The following CCDC190 variants were observed in gnomAD, a reference collection of about 807,000 sequenced individuals.
CCDC190 encodes coiled-coil domain-containing protein 190.
Under a neutral mutation model 13.1 loss-of-function variants are expected in CCDC190, and 10 were observed. The ratio of observed to expected loss-of-function variants is 0.77; its 90% CI spans 0.47 to 1.30. The LOEUF is 1.30. CCDC190 is among the 50% of genes most tolerant of loss of function. The pLI, the probability that CCDC190 is intolerant of heterozygous loss-of-function variation, is 0.00. For missense variants in CCDC190, 375 were observed against 354.3 expected, an observed-to-expected ratio of 1.06 and a Z score of -0.47; for synonymous variants, 136 against 127.2, an observed-to-expected ratio of 1.07 and a Z score of -0.47.
rs147029098 is a variant in CCDC190, at chr1:162,852,687, G to A, written c.*2078C>T. 5.2e-3 allele frequency: 835 copies of A among 161,382 alleles called. 38 individuals are homozygous for A. The highest frequency in any genetic ancestry group is 0.045 in the Admixed American group (728 of 16,096). The allele number at this position is 161,382 out of a possible 1,614,324, so 10.0% of individuals were successfully genotyped here. On this transcript the variant is annotated 3_prime_UTR_variant, in exon 4 of 4. Transcript: ENST00000367912. ...TATGAAGACACAAGCAAGATAGCAA[G>A]GAGGAACATGCAGAATGTTCACTTC...
Position 162,859,466 on chromosome 1 carries a change from G to T in CCDC190, c.181C>A (p.Gln61Lys). ...CCAGTCCTGAAAGTCTTACCTTGCT[G>T]CAACCTCTGCAGTTCTTTTTGGAGC... ...RQLQKELQRL[Q>K]QETMKKKFSS... Residue 61 changes from glutamine (Q) to lysine (K), a missense_variant, in exon 2 of 4, where the codon CAG becomes AAG. Physicochemically the swap from Gln to Lys is moderately conservative, Grantham distance 53. Coordinates refer to ENST00000367912, the MANE Select transcript of CCDC190 (RefSeq NM_001394065.1). 6.2e-7 allele frequency: 1 copy of T among 1,612,912 alleles called. No individual in the cohort carries two copies. Among genetic ancestry groups the T allele is most frequent in the Non-Finnish European group, 8.5e-7 (1 of 1,179,438 alleles).
At chr1:162,868,254 CAT>C (rs952262381) in intron 1 of CCDC190, among the ~76,000 whole-genome samples, 2 of 152,102 alleles carry the variant, frequency 1.3e-5, no homozygotes, top group African/African-American at 2.4e-5. Flanking sequence ...AAGTGGTAAA[CAT>C]GTGGGTACAT....
upstream of CCDC190, among the ~76,000 whole-genome samples, chr1:162,863,310 G>T (rs1650584719): frequency 6.6e-6 from 1 of 152,030 alleles, no homozygotes; most frequent in Non-Finnish European, 1.5e-5. Context: ...TTCCTTATTT[G>T]TAAAATAGGT....
intron 1 of CCDC190, among the ~76,000 whole-genome samples, chr1:162,867,897 A>T (rs75555910): frequency 0.04 from 6,158 of 152,262 alleles, 200 homozygotes; most frequent in Non-Finnish European, 0.062. Flanking sequence ...GATGACAGAG[A>T]TCAGATCAGT....
chr1:162,856,909 T>C (rs1481017887), intron 2 of CCDC190, among the ~76,000 whole-genome samples: 1 of 152,150 alleles, frequency 6.6e-6, no homozygotes, highest in East Asian at 1.9e-4. Flanking sequence ...TTGAGGGATT[T>C]TGAGCTACTT....
intron 2 of CCDC190, among the ~76,000 whole-genome samples, chr1:162,856,532 G>A (rs544174961): frequency 6.6e-6 from 1 of 152,236 alleles, no homozygotes; most frequent in South Asian, 2.1e-4. Context: ...GTGACTAAGT[G>A]GACTTTTCAC....
Position 162,855,093 on chromosome 1 carries a change from C to A in CCDC190, c.578G>T (p.Ser193Ile). 2 of 1,614,032 alleles carry A rather than the reference C, an allele frequency of 1.2e-6. No individual in the cohort carries two copies. The highest frequency in any genetic ancestry group is 1.7e-6 in the Non-Finnish European group (2 of 1,179,898). Residue 193 changes from serine to isoleucine, a missense_variant, in exon 4 of 4, where the codon AGT (serine) becomes ATT (isoleucine). Transcript: ENST00000367912. ...TCCACTATCACTAGCTGGGCTGGAA[C>A]TAGGACCTTGTTCTATGGTGTTGGT... The part of the protein sequence containing the change: ...VSTNTIEQGP[S>I]SSPASDSGMA...
At position 162,858,870 on chromosome 1, in the gene CCDC190, CACTT is replaced by C. The variant is rs542464625; in HGVS notation, c.187+586_187+589del. 1.6e-3 allele frequency among the ~76,000 whole-genome samples: 242 copies of C among 152,340 alleles called. 2 individuals carry two copies. The highest frequency in any genetic ancestry group is 3.1e-3 in the Admixed American group (47 of 15,302). On this transcript the variant is annotated intron_variant, in intron 2 of 3. Coordinates refer to ENST00000367912, the MANE Select transcript of CCDC190 (RefSeq NM_001394065.1). ...TTGATAAGAGTGGGCACTTATATAG[CACTT>C]ACTTTATGTTTTGGTACTATTCCAA...
rs1310686533 is a variant in CCDC190 at position 162,852,893 on chromosome 1, G to A, written c.*1872C>T. The A allele has an allele frequency of 5.4e-6, 3 of 550,546 alleles. No individual in the cohort carries two copies. Among genetic ancestry groups the A allele is most frequent in the Admixed American group, 3.2e-5 (1 of 30,878 alleles). The allele number at this position is 550,546 out of a possible 1,614,324, so 34.1% of individuals were successfully genotyped here. A position where few individuals can be genotyped will look rare whatever the true frequency, so the allele number is the denominator to read the frequency against. ...GGAGAATTGTGATGACGATAGGCAA[G>A]GCTTGCGTAGAAGACAAGAAGAAAG... On this transcript the variant is annotated 3_prime_UTR_variant, in exon 4 of 4. Coordinates refer to ENST00000367912, the MANE Select transcript of CCDC190 (RefSeq NM_001394065.1).
intron 2 of CCDC190, among the ~76,000 whole-genome samples, chr1:162,858,396 G>C (rs1160790945): frequency 1.3e-5 from 2 of 152,190 alleles, no homozygotes; most frequent in African/African-American, 2.4e-5. Flanking sequence ...CAGTATGTGA[G>C]CTCTCATTCT....
In CCDC190 at chr1:162,852,890, C is replaced by G. The variant is rs564703630; in HGVS notation, c.*1875G>C. On this transcript the variant is annotated 3_prime_UTR_variant, in exon 4 of 4. Coordinates refer to ENST00000367912, the MANE Select transcript of CCDC190 (RefSeq NM_001394065.1). ...GAGGGAGAATTGTGATGACGATAGGCAAGGCTTGCGTAGAAGACAAGAAGA... is the reference window on the plus strand; with the variant it reads ...GAGGGAGAATTGTGATGACGATAGGGAAGGCTTGCGTAGAAGACAAGAAGA... 1.1e-5 allele frequency: 6 copies of G among 542,372 alleles called. No homozygotes were observed. The South Asian group carries it at 1.4e-4, about 13-fold the overall frequency. The allele number at this position is 542,372 out of a possible 1,614,324, so 33.6% of individuals were successfully genotyped here. A position where few individuals can be genotyped will look rare whatever the true frequency, so the allele number is the denominator to read the frequency against.
chr1:162,861,585 T>G (rs940646551), upstream of CCDC190, among the ~76,000 whole-genome samples: 1 of 152,228 alleles, frequency 6.6e-6, no homozygotes, highest in African/African-American at 2.4e-5. Context: ...TTGTTTATTA[T>G]GTGTTATTGC....
Position 162,851,277 on chromosome 1 carries a change from C to G in CCDC190, c.*3488G>C, listed in dbSNP as rs1650097577. 1 of 146,310 alleles carries G rather than the reference C, an allele frequency of 6.8e-6. No individual in the cohort carries two copies. 9.1% of individuals were successfully genotyped at this position (146,310 alleles called of 1,614,324 possible). ...GGTTCACGCAATGGTCCACACACCT[C>G]TGGTTCCTCTCCATTTTTTTTTTTT... On this transcript the variant is annotated 3_prime_UTR_variant, in exon 4 of 4. Coordinates refer to ENST00000367912, the MANE Select transcript of CCDC190 (RefSeq NM_001394065.1).
chr1:162,859,601 A>G lies in CCDC190; in HGVS notation c.46T>C (p.Leu16=). The change falls in exon 2 of 4, where the codon TTG becomes CTG. Residue 16 remains leucine (L), a synonymous_variant. Coordinates refer to ENST00000367912, the MANE Select transcript of CCDC190 (RefSeq NM_001394065.1). ...GCCTGCTTGGCATTCTTCCTCTCCAAATCAAAATGCTTATACAATTGTCCC... is the reference window on the plus strand; with the variant it reads ...GCCTGCTTGGCATTCTTCCTCTCCAGATCAAAATGCTTATACAATTGTCCC... ...VRGQLYKHFD[L]ERKNAKQAEA... 1 of 1,613,840 alleles carries G rather than the reference A, an allele frequency of 6.2e-7. No individual in the cohort carries two copies. The highest frequency in any genetic ancestry group is 8.5e-7 in the Non-Finnish European group (1 of 1,179,832).
At position 162,861,118 on chromosome 1, in the gene CCDC190, T is replaced by A; in HGVS notation, c.-123A>T. The A allele has an allele frequency of 1.5e-6, 1 of 671,734 alleles. No individual in the cohort carries two copies. Among genetic ancestry groups the A allele is most frequent in the Non-Finnish European group, 1.8e-6 (1 of 543,358 alleles). 41.6% of individuals were successfully genotyped at this position (671,734 alleles called of 1,614,324 possible). On this transcript the variant is annotated 5_prime_UTR_variant, in exon 1 of 4. Transcript: ENST00000367912. ...CTTCAGTAAACTTAGGAGTTTGGTGTTTGGAGAAAGGATAGAGGGAGACCA... is the reference window on the plus strand; with the variant it reads ...CTTCAGTAAACTTAGGAGTTTGGTGATTGGAGAAAGGATAGAGGGAGACCA...
Position 162,854,228 on chromosome 1 carries a change from GA to G in CCDC190, c.*536del. 1 of 985,478 alleles carries G rather than the reference GA, an allele frequency of 1.0e-6. No homozygotes were observed. The highest frequency in any genetic ancestry group is 4.7e-5 in the South Asian group (1 of 21,296). 61.0% of individuals were successfully genotyped at this position (985,478 alleles called of 1,614,324 possible). On this transcript the variant is annotated 3_prime_UTR_variant, in exon 4 of 4. Transcript: ENST00000367912. Reference sequence around the variant, plus strand: ...ATGAGCAGGTTGAAAGTGGGAGGGTGAAAACTAAAATGGAGCTATCTGTAAA... The same window carrying G: ...ATGAGCAGGTTGAAAGTGGGAGGGTGAAACTAAAATGGAGCTATCTGTAAA...
rs1255010403 is a variant in CCDC190, at chr1:162,855,653, G to T, written c.290C>A (p.Ala97Asp). The change falls in exon 3 of 4, where the codon GCC becomes GAC. Residue 97 changes from alanine to aspartate, a missense_variant. Transcript: ENST00000367912. ...FSPQGRQKHR[A>D]PQAKKMRALA... is the part of the protein sequence containing the mutation. The stretch of plus-strand genomic sequence containing the variant: ...TTACCTCATTTTCTTAGCCTGTGGG[G>T]CTCTGTGCTTCTGCCTTCCCTGTGG... 8 of 1,613,654 alleles carry T rather than the reference G, an allele frequency of 5.0e-6. No individual in the cohort carries two copies. The highest frequency in any genetic ancestry group is 6.8e-6 in the Non-Finnish European group (8 of 1,179,756).
At chr1:162,866,298 T>C (rs1650703998) in intron 1 of CCDC190, among the ~76,000 whole-genome samples, 1 of 152,028 alleles carries the variant, frequency 6.6e-6, no homozygotes, top group Admixed American at 6.5e-5. Flanking sequence ...CAGTCTCTAC[T>C]AAAAATACAA....
rs12732599 is a variant in CCDC190, at chr1:162,852,344, A to G, written c.*2421T>C. The G allele has an allele frequency of 0.12, 17,635 of 152,350 alleles. 1,302 individuals are homozygous for G. The highest frequency in any genetic ancestry group is 0.17 in the Non-Finnish European group (11,526 of 68,048). The allele number at this position is 152,350 out of a possible 1,614,324, so 9.4% of individuals were successfully genotyped here. On this transcript the variant is annotated 3_prime_UTR_variant, in exon 4 of 4. Transcript: ENST00000367912. ...AAGTAAAGTGGCCATGGACTGGTCG[A>G]GAGCAAGCCATCCTAGAGCACCGTG...
Sources: gnomAD v4.1 joint callset for allele counts (sites outside exome capture counted in the v4.1 genomes callset) on GRCh38, gnomAD v4.1.1 for gene constraint, MANE v1.5 for transcripts, NCBI Gene and HGNC (gene_info 2026-07-23, HGNC 2026-07-21) for gene names.